NBEA: variants seen among roughly 807,000 people sequenced by gnomAD.
NBEA encodes neurobeachin.
Under a neutral mutation model 343.4 loss-of-function variants are expected in NBEA, and 44 were observed. The observed-to-expected ratio is 0.13, with a 90% CI of 0.10 to 0.16. The LOEUF (loss-of-function observed/expected upper bound fraction) is 0.16, where lower values mean the gene tolerates loss of function less well. Ranked by LOEUF, NBEA falls within the 10% of genes least tolerant of loss-of-function variation. NBEA has a pLI of 1.00. For synonymous variants in NBEA, 1,175 were observed against 1,238.7 expected (o/e 0.95, Z 1.08); for missense variants, 2,555 against 3,631.3 (o/e 0.70, Z 7.62).
At chr13:35,201,504 T>A (rs946951374) in intron 31 of NBEA, among the ~76,000 whole-genome samples, 16 of 152,032 alleles carry the variant, frequency 1.1e-4, no homozygotes, top group Non-Finnish European at 2.1e-4. Context: ...CTTTTAAGTT[T>A]CAACGTTTTC....
At chr13:35,408,746 A>G (rs902177364) in intron 38 of NBEA, among the ~76,000 whole-genome samples, 3 of 152,242 alleles carry the variant, frequency 2.0e-5, no homozygotes, top group Non-Finnish European at 4.4e-5. Flanking sequence ...CATATGAAAA[A>G]AAGTTCAACA....
intron 34 of NBEA, among the ~76,000 whole-genome samples, chr13:35,279,556 T>C (rs1254123636): frequency 1.3e-5 from 2 of 152,184 alleles, no homozygotes; most frequent in Non-Finnish European, 2.9e-5. Flanking sequence ...TTACTAACAT[T>C]CAGATTATTA....
intron 16 of NBEA, 38 bp downstream of exon 16, chr13:35,118,512 T>C (rs1472616868): frequency 7.0e-7 from 1 of 1,419,270 alleles, no homozygotes; most frequent in Non-Finnish European, 9.7e-7. Flanking sequence ...TAGACTTTAA[T>C]GGAGCACAGT....
intron 34 of NBEA, among the ~76,000 whole-genome samples, chr13:35,280,547 A>G (rs567575342): frequency 6.6e-6 from 1 of 152,230 alleles, no homozygotes; most frequent in African/African-American, 2.4e-5. Context: ...TAGCTTGCTT[A>G]CCAAGTCAAT....
intron 39 of NBEA, among the ~76,000 whole-genome samples, chr13:35,451,211 C>T (rs2046294967): frequency 1.3e-5 from 2 of 152,122 alleles, no homozygotes; most frequent in Admixed American, 1.3e-4. Context: ...GCAAGCTCCG[C>T]CTCCCGGGTT....
At chr13:35,410,362 C>T (rs1446470954) in intron 38 of NBEA, among the ~76,000 whole-genome samples, 1 of 152,082 alleles carries the variant, frequency 6.6e-6, no homozygotes, top group Admixed American at 6.6e-5. Flanking sequence ...TTTTCAAGAA[C>T]TTCACCAATT....
At chr13:34,973,632 T>G (rs1385767619) in intron 1 of NBEA, among the ~76,000 whole-genome samples, 1 of 152,128 alleles carries the variant, frequency 6.6e-6, no homozygotes, top group African/African-American at 2.4e-5. Context: ...CTCCAGGGCC[T>G]GCAGGCTGGA....
At chr13:35,078,158 C>T (rs1451002625) in intron 10 of NBEA, among the ~76,000 whole-genome samples, 1 of 152,126 alleles carries the variant, frequency 6.6e-6, no homozygotes, top group Non-Finnish European at 1.5e-5. Context: ...GGACAATAAG[C>T]AAAGCCATAG....
At chr13:35,514,925 CTTG>C (rs2077426028) in intron 41 of NBEA, among the ~76,000 whole-genome samples, 1 of 152,146 alleles carries the variant, frequency 6.6e-6, no homozygotes, top group South Asian at 2.1e-4. Context: ...CACTGAATTG[CTTG>C]TTGTGCTTTT....
intron 34 of NBEA, among the ~76,000 whole-genome samples, chr13:35,282,938 T>G (rs1389945743): frequency 6.6e-6 from 1 of 152,146 alleles, no homozygotes; most frequent in Non-Finnish European, 1.5e-5. Context: ...GATGTAATTA[T>G]TGTTCCTTAA....
chr13:34,944,908 C>G (rs2059142900), intron 1 of NBEA, among the ~76,000 whole-genome samples: 2 of 152,020 alleles, frequency 1.3e-5, no homozygotes, highest in Admixed American at 6.5e-5. Flanking sequence ...AGTTTGGACT[C>G]TGCAGCAGTA....
chr13:35,475,953 G>A, intron 41 of NBEA: 1 of 1,614,176 alleles, frequency 6.2e-7, no homozygotes, highest in Non-Finnish European at 8.5e-7. Flanking sequence ...GGCCCTCGTA[G>A]CGATTGTCCA....
At chr13:35,207,622 G>A (rs555582323) in intron 31 of NBEA, among the ~76,000 whole-genome samples, 2 of 152,108 alleles carry the variant, frequency 1.3e-5, no homozygotes, top group Non-Finnish European at 2.9e-5. Context: ...ATATTTATTT[G>A]TCATTTAACC....
intron 48 of NBEA, among the ~76,000 whole-genome samples, chr13:35,608,457 A>C (rs1313316324): frequency 1.3e-5 from 2 of 152,200 alleles, no homozygotes; most frequent in Non-Finnish European, 1.5e-5. Context: ...TGTAAATATC[A>C]GTGTAAGGAT....
chr13:35,292,909 G>A (rs779627531), intron 35 of NBEA, among the ~76,000 whole-genome samples: 4 of 151,800 alleles, frequency 2.6e-5, no homozygotes, highest in Non-Finnish European at 4.4e-5. Flanking sequence ...GAGAGACCGG[G>A]CAGATAAGTA....
chr13:35,247,207 C>CG (rs1263382374), intron 34 of NBEA, among the ~76,000 whole-genome samples: 1 of 152,154 alleles, frequency 6.6e-6, no homozygotes, highest in Non-Finnish European at 1.5e-5. Context: ...CCCAGGCTAC[C>CG]GGCCTCCTGG....
intron 10 of NBEA, among the ~76,000 whole-genome samples, chr13:35,082,589 G>A (rs1265439463): frequency 6.6e-6 from 1 of 152,134 alleles, no homozygotes; most frequent in African/African-American, 2.4e-5. Context: ...GTTGTTTCTT[G>A]ACTTTTTAAT....
chr13:35,655,066 A>T, intron 54 of NBEA, 56 bp downstream of exon 54: 1 of 1,311,914 alleles, frequency 7.6e-7, no homozygotes, highest in African/African-American at 1.5e-5. Context: ...GTTAAAACCA[A>T]AGCTGAATAT....
intron 42 of NBEA, 102 bp downstream of exon 42, chr13:35,550,696 G>A: frequency 1.3e-6 from 1 of 746,610 alleles, no homozygotes; most frequent in Non-Finnish European, 2.2e-6. Flanking sequence ...TATTTCTGAT[G>A]TGCTCTAGCT....
Sources: gnomAD v4.1 joint callset for allele counts (sites outside exome capture counted in the v4.1 genomes callset) on GRCh38, gnomAD v4.1.1 for gene constraint, MANE v1.5 for transcripts, NCBI Gene and HGNC (gene_info 2026-07-23, HGNC 2026-07-21) for gene names.